FAM135B: variants seen among roughly 807,000 people sequenced by gnomAD.
The protein encoded by FAM135B is family with sequence similarity 135 member B, also known as protein FAM135B.
FAM135B carries 43 observed loss-of-function variants against 127.7 expected under a neutral mutation model. The observed-to-expected ratio is 0.34, with a 90% confidence interval of 0.26 to 0.43. FAM135B has a LOEUF of 0.43. Among genes scored for constraint, FAM135B ranks in the 20% least tolerant of loss-of-function variants. FAM135B has a pLI of 1.00. For missense variants in FAM135B, 1,558 were observed against 1,725.6 expected (o/e 0.90, Z 1.72); for synonymous variants, 670 against 665.1 (o/e 1.01, Z -0.11).
chr8:138,357,521 TTTC>T (rs1830167899), intron 2 of FAM135B, among the ~76,000 whole-genome samples: 2 of 152,168 alleles, frequency 1.3e-5, no homozygotes, highest in African/African-American at 2.4e-5. Context: ...CTTTGTACTT[TTTC>T]TTATTTCCAC....
At chr8:138,414,450 C>A (rs1224818918) in intron 1 of FAM135B, among the ~76,000 whole-genome samples, 2 of 152,104 alleles carry the variant, frequency 1.3e-5, no homozygotes, top group African/African-American at 2.4e-5. Context: ...ATTGGGCATT[C>A]TTCATTCCCG....
At chr8:138,445,134 C>G (rs1836048470) in intron 1 of FAM135B, among the ~76,000 whole-genome samples, 2 of 152,168 alleles carry the variant, frequency 1.3e-5, no homozygotes, top group Non-Finnish European at 2.9e-5. Context: ...AGATCAATAA[C>G]AGGCTCTGAA....
At chr8:138,265,001 G>C (rs1822806035) in intron 4 of FAM135B, among the ~76,000 whole-genome samples, 1 of 152,228 alleles carries the variant, frequency 6.6e-6, no homozygotes, top group Middle Eastern at 3.2e-3. Context: ...TCAAAAGTTT[G>C]AGCTTCAGAT....
At chr8:138,156,729 C>A (rs867934171) in intron 12 of FAM135B, among the ~76,000 whole-genome samples, 1 of 152,128 alleles carries the variant, frequency 6.6e-6, no homozygotes, top group Non-Finnish European at 1.5e-5. Context: ...CACATACACC[C>A]TCCCAAGACT....
At chr8:138,187,107 C>G (rs532288211) in intron 9 of FAM135B, among the ~76,000 whole-genome samples, 1 of 152,338 alleles carries the variant, frequency 6.6e-6, no homozygotes, top group Admixed American at 6.5e-5. Flanking sequence ...GTTGCAGTGA[C>G]TGCAGTTAAC....
chr8:138,480,703 C>T (rs186379877), intron 1 of FAM135B, among the ~76,000 whole-genome samples: 32 of 152,308 alleles, frequency 2.1e-4, no homozygotes, highest in Admixed American at 5.2e-4. Context: ...CTGCATCTCT[C>T]GTCATTTTGA....
At chr8:138,411,705 C>G (rs1167889669) in intron 1 of FAM135B, among the ~76,000 whole-genome samples, 2 of 152,100 alleles carry the variant, frequency 1.3e-5, no homozygotes, top group African/African-American at 4.8e-5. Flanking sequence ...AGGCAACCTA[C>G]AGAATGGGAG....
chr8:138,339,852 G>A (rs1036916610), intron 2 of FAM135B, among the ~76,000 whole-genome samples: 5 of 152,146 alleles, frequency 3.3e-5, no homozygotes, highest in African/African-American at 7.2e-5. Context: ...GGGTTCCGTC[G>A]CTTCCTGTTC....
intron 12 of FAM135B, among the ~76,000 whole-genome samples, chr8:138,159,759 A>T (rs1054454354): frequency 1.6e-4 from 17 of 103,126 alleles, no homozygotes; most frequent in Non-Finnish European, 1.4e-4. Context: ...GTATAATTTT[A>T]AAAAAAAGAA....
rs553183840 is a variant in FAM135B, at chr8:138,221,503, T to G, written c.669+21439A>C. ...AGGACACGGATTCAAACCATATTAC[T>G]CTCAGATTTGAGAAGACAGAATGCA... On this transcript the variant is annotated intron_variant, in intron 7 of 19. Coordinates refer to ENST00000395297, the MANE Select transcript of FAM135B (RefSeq NM_015912.4). 6.6e-5 allele frequency among the ~76,000 whole-genome samples: 10 copies of G among 152,234 alleles called. No homozygotes were observed. The South Asian group carries it at 1.9e-3, about 28-fold the overall frequency.
intron 10 of FAM135B, among the ~76,000 whole-genome samples, chr8:138,177,987 G>T (rs10094517): frequency 0.38 from 57,316 of 151,654 alleles, 11,197 homozygotes; most frequent in African/African-American, 0.49. Context: ...GCTCATGCCT[G>T]TAATCCCAGC....
chr8:138,176,713 C>A (rs529605339), intron 11 of FAM135B, among the ~76,000 whole-genome samples: 110 of 152,304 alleles, frequency 7.2e-4, no homozygotes, highest in Non-Finnish European at 1.3e-3. Context: ...ATCTTTCCAT[C>A]CACATTTAAT....
Position 138,132,789 on chromosome 8 carries a change from T to C in FAM135B, c.4025A>G (p.Tyr1342Cys), listed in dbSNP as rs1393490526. The change falls in exon 20 of 20, where the codon TAT becomes TGT. Residue 1342 changes from tyrosine to cysteine, a missense_variant. Around this residue, in one of 5 missense-constraint regions of FAM135B, gnomAD observed 194 missense variants for 333.8 expected, o/e 0.58. Transcript: ENST00000395297. This position sits in a 1 kb window ranked among gnomAD's most constrained non-coding sequence, Gnocchi z 4.5. ...ALKDRHTGPV[Y>C]AEMINNLLGP... ...CAGGAGGTTGTTGATCATTTCTGCA[T>C]AAACTGGCCCTGTAAAGTGGGGAAG... 6.2e-7 allele frequency: 1 copy of C among 1,614,026 alleles called. No individual in the cohort carries two copies. The highest frequency in any genetic ancestry group is 8.5e-7 in the Non-Finnish European group (1 of 1,179,896).
chr8:138,377,709 G>T (rs1026847180), intron 1 of FAM135B, among the ~76,000 whole-genome samples: 1 of 152,170 alleles, frequency 6.6e-6, no homozygotes, highest in Non-Finnish European at 1.5e-5. Flanking sequence ...ACATGACCTA[G>T]CAAGTTCTTG....
chr8:138,469,376 T>C (rs1462283009), intron 1 of FAM135B, among the ~76,000 whole-genome samples: 1 of 152,120 alleles, frequency 6.6e-6, no homozygotes, highest in South Asian at 2.1e-4. Context: ...ACAAGGCAAC[T>C]AGTGACTAGG....
At chr8:138,436,585 G>A (rs1271314049) in intron 1 of FAM135B, among the ~76,000 whole-genome samples, 1 of 152,106 alleles carries the variant, frequency 6.6e-6, no homozygotes, top group Non-Finnish European at 1.5e-5. Flanking sequence ...AGACTCTAAG[G>A]CATCAGTTTG....
intron 3 of FAM135B, among the ~76,000 whole-genome samples, chr8:138,291,643 T>A (rs1273221002): frequency 1.3e-5 from 2 of 152,162 alleles, no homozygotes; most frequent in East Asian, 3.8e-4. Flanking sequence ...CACATGAACA[T>A]CTGTAAATAT....
chr8:138,426,798 C>A (rs1020740598), intron 1 of FAM135B, among the ~76,000 whole-genome samples: 5 of 151,886 alleles, frequency 3.3e-5, no homozygotes, highest in African/African-American at 1.2e-4. Flanking sequence ...ATTATGATAT[C>A]TACCTTTTAA....
chr8:138,253,020 C>T (rs563371133), intron 5 of FAM135B, among the ~76,000 whole-genome samples: 8 of 152,108 alleles, frequency 5.3e-5, no homozygotes, highest in Non-Finnish European at 7.3e-5. Context: ...AGGCTGGTCT[C>T]GAATTCCTAA....
Sources: gnomAD v4.1 joint callset for allele counts (sites outside exome capture counted in the v4.1 genomes callset) on GRCh38, gnomAD v4.1.1 for gene constraint, gnomAD v4.1.1 regional missense constraint, Gnocchi (gnomAD v3.1) non-coding constraint, MANE v1.5 for transcripts, NCBI Gene and HGNC (gene_info 2026-07-23, HGNC 2026-07-21) for gene names.